RTEL1: variants seen among roughly 807,000 people sequenced by gnomAD.
The protein encoded by RTEL1 is regulator of telomere elongation helicase 1, also known as regulator of telomere length.
Under a neutral mutation model 162.2 loss-of-function variants are expected in RTEL1, and 86 were observed. The observed-to-expected ratio is 0.53, with a 90% confidence interval of 0.45 to 0.63. The LOEUF (loss-of-function observed/expected upper bound fraction) is 0.63, where lower values mean the gene tolerates loss of function less well. Among genes scored for constraint, RTEL1 ranks in the 30% least tolerant of loss-of-function variants. RTEL1 has a pLI of 0.00. For synonymous variants in RTEL1, 958 were observed against 717.9 expected (o/e 1.33, Z -5.35); for missense variants, 1,941 against 1,750.2 (o/e 1.11, Z -1.95).
chr20:63,676,202 G>A (rs1050210690), intron 10 of RTEL1, among the ~76,000 whole-genome samples: 2 of 151,986 alleles, frequency 1.3e-5, no homozygotes, highest in Admixed American at 6.6e-5. Context: ...CTCCTGCCTC[G>A]GCCTCCCAAG....
rs761419176 is a variant in RTEL1, at chr20:63,695,242, C to T, written c.3499+21C>T. The T allele has an allele frequency of 1.9e-6, 3 of 1,608,938 alleles. No homozygotes were observed. The East Asian group carries it at 6.7e-5, about 36-fold the overall frequency. On this transcript the variant is annotated intron_variant, in intron 33 of 34. Transcript: ENST00000360203. ...ACCAGGTAGGGCACCTGCCTGGCTG[C>T]TCCTGGCAGCGCCCCAACCGCACGC... is the stretch of plus-strand genomic sequence containing the variant.
At chr20:63,672,729 G>T (rs1360555508) in intron 9 of RTEL1, 108 bp downstream of exon 9, 1 of 925,820 alleles carries the variant, frequency 1.1e-6, no homozygotes, top group African/African-American at 1.6e-5. Flanking sequence ...GAAGCCCTAG[G>T]TGCCCAGGAC....
Position 63,695,388 on chromosome 20 carries a change from A to G in RTEL1, c.3560A>G (p.Gln1187Arg). The G allele has an allele frequency of 3.2e-6, 5 of 1,553,426 alleles. No homozygotes were observed. Among genetic ancestry groups the G allele is most frequent in the Non-Finnish European group, 4.4e-6 (5 of 1,149,332 alleles). Residue 1187 changes from glutamine to arginine, a missense_variant, in exon 34 of 35, where the codon CAG (glutamine) becomes CGG (arginine). Physicochemically the swap from Gln to Arg is conservative, Grantham distance 43. Transcript: ENST00000360203. ...TQSKISSFLR[Q>R]RPAGTVGAGG... is the part of the protein sequence containing the mutation. ...AGCAAGATCTCGTCCTTCCTTAGACAGAGGCCAGCAGGGACTGTGGGGGCG... is the reference window on the plus strand; with the variant it reads ...AGCAAGATCTCGTCCTTCCTTAGACGGAGGCCAGCAGGGACTGTGGGGGCG...
rs753838163 is a variant in RTEL1 at position 63,678,297 on chromosome 20, G to C, written c.988G>C (p.Asp330His). Reference sequence around the variant, plus strand: ...CCTGCTGCGCCTGGAGGGGGCCATCGATGCTGTTGAGCTGCCTGGAGACGA... The same window carrying C: ...CCTGCTGCGCCTGGAGGGGGCCATCCATGCTGTTGAGCTGCCTGGAGACGA... ...MILLRLEGAI[D>H]AVELPGDDSG... The change falls in exon 12 of 35, where the codon GAT becomes CAT. Residue 330 changes from aspartate (D) to histidine (H), a missense_variant. By Grantham distance (81) the Asp-to-His change is moderately conservative (BLOSUM62 -1). Coordinates refer to ENST00000360203, the MANE Select transcript of RTEL1 (RefSeq NM_001283009.2). The C allele has an allele frequency of 1.2e-6, 2 of 1,612,806 alleles. No individual in the cohort carries two copies. Among genetic ancestry groups the C allele is most frequent in the East Asian group, 4.5e-5 (2 of 44,864 alleles).
chr20:63,690,346 C>G lies in RTEL1; in HGVS notation c.2318C>G (p.Ala773Gly), dbSNP rs746270116. ...ATAPSVRGED[A>G]VSEAKSPGPF... ...GCACCCAGTGTGCGTGGAGAAGATG[C>G]TGTCAGCGAGGCCAAGTCGCCTGGC... The change falls in exon 26 of 35, where the codon GCT becomes GGT. Residue 773 changes from alanine to glycine, a missense_variant. By Grantham distance (60) the Ala-to-Gly change is moderately conservative (BLOSUM62 0). Transcript: ENST00000360203. 10 of 1,611,536 alleles carry G rather than the reference C, an allele frequency of 6.2e-6. No individual in the cohort carries two copies. The African/African-American group carries it at 1.3e-4, about 22-fold the overall frequency.
At chr20:63,679,707 C>G in intron 12 of RTEL1, 142 bp from the exon 13 acceptor site, 1 of 700,002 alleles carries the variant, frequency 1.4e-6, no homozygotes, top group South Asian at 1.5e-5. Flanking sequence ...CCTCCAGGCT[C>G]GAGCCTGTTT....
chr20:63,671,949 T>C (rs1374097546), intron 8 of RTEL1, among the ~76,000 whole-genome samples: 1 of 152,056 alleles, frequency 6.6e-6, no homozygotes, highest in Non-Finnish European at 1.5e-5. Context: ...AGTGACACAA[T>C]CTCGGCTCAC....
chr20:63,694,558 C>T (rs2090920148), intron 31 of RTEL1, 70 bp downstream of exon 31: 4 of 1,369,630 alleles, frequency 2.9e-6, no homozygotes, highest in South Asian at 1.3e-5. Flanking sequence ...GAGGCTAACT[C>T]TTGAGTGTGG....
At chr20:63,666,834 CTTTTTTTTTTTTT>C (rs146252896) in intron 7 of RTEL1, among the ~76,000 whole-genome samples, 14 of 102,176 alleles carry the variant, frequency 1.4e-4, no homozygotes, top group African/African-American at 3.8e-4. Flanking sequence ...CTGGCCAGCT[CTTTTTTTTTTTTT>C]TTTTTTTTTT....
chr20:63,678,431 CA>C, intron 12 of RTEL1, 85 bp downstream of exon 12: 1 of 1,273,512 alleles, frequency 7.9e-7, no homozygotes, highest in Non-Finnish European at 1.1e-6. Context: ...GCTGTCACAT[CA>C]CGAGTGAGGC....
In RTEL1 at chr20:63,667,518, A is replaced by G. The variant is rs1235107432; in HGVS notation, c.664A>G (p.Ile222Val). Residue 222 changes from isoleucine (I) to valine (V), a missense_variant, in exon 8 of 35, where the codon ATA becomes GTA. Ile to Val is a conservative substitution (Grantham distance 29). Transcript: ENST00000360203. ...SRNLKQQADI[I>V]FMPYNYLLDA... The stretch of plus-strand genomic sequence containing the variant: ...GAACCTGAAGCAGCAAGCCGACATC[A>G]TATTCATGCCGTACAATTACTTGTT... 6 of 1,613,988 alleles carry G rather than the reference A, an allele frequency of 3.7e-6. No homozygotes were observed. The highest frequency in any genetic ancestry group is 5.1e-6 in the Non-Finnish European group (6 of 1,179,902).
rs1343582864 is a variant in RTEL1, at chr20:63,666,097, G to T, written c.614+18G>T. On this transcript the variant is annotated intron_variant, in intron 7 of 34. Coordinates refer to ENST00000360203, the MANE Select transcript of RTEL1 (RefSeq NM_001283009.2). ...AAGCACAGGTGAGACCCCTCAGTGA[G>T]GCCACGACCACTGTCCTTCCATGGC... The T allele has an allele frequency of 1.9e-6, 3 of 1,606,576 alleles. No homozygotes were observed. The African/African-American group carries it at 4.0e-5, about 21-fold the overall frequency.
intron 27 of RTEL1, 87 bp downstream of exon 27, chr20:63,691,034 C>T: frequency 1.5e-6 from 2 of 1,337,328 alleles, no homozygotes; most frequent in Non-Finnish European, 2.0e-6. Context: ...AGGCACCTCC[C>T]CACACACCCC....
intron 10 of RTEL1, among the ~76,000 whole-genome samples, chr20:63,676,927 C>A (rs1235451099): frequency 6.6e-6 from 1 of 152,086 alleles, no homozygotes; most frequent in African/African-American, 2.4e-5. Flanking sequence ...GAGCGAGACT[C>A]CGTCTCAAAA....
chr20:63,680,019 G>T lies in RTEL1; in HGVS notation c.1135+73G>T, dbSNP rs533374906. The T allele has an allele frequency of 2.8e-5, 30 of 1,076,076 alleles. No individual in the cohort carries two copies. The South Asian group carries it at 4.4e-4, about 16-fold the overall frequency. The allele number at this position is 1,076,076 out of a possible 1,614,324, so 66.7% of individuals were successfully genotyped here. Reference sequence around the variant, plus strand: ...GGTGCAGCAGGCCTCCATCTTGGCAGTCAGGGCTCCCCTGGCCGTCACCTG... The same window carrying T: ...GGTGCAGCAGGCCTCCATCTTGGCATTCAGGGCTCCCCTGGCCGTCACCTG... On this transcript the variant is annotated intron_variant, in intron 13 of 34. Coordinates refer to ENST00000360203, the MANE Select transcript of RTEL1 (RefSeq NM_001283009.2).
At chr20:63,693,311 A>C (rs201529044) in intron 30 of RTEL1, 28 bp downstream of exon 30, 2 of 1,610,210 alleles carry the variant, frequency 1.2e-6, no homozygotes, top group African/African-American at 1.3e-5. Flanking sequence ...TGGGACCCTC[A>C]GACTCCTGCG....
At chr20:63,682,453 G>A (rs2090497445) in intron 14 of RTEL1, 1 of 985,682 alleles carries the variant, frequency 1.0e-6, no homozygotes, top group Non-Finnish European at 1.2e-6. Flanking sequence ...ACCGGATCCT[G>A]GAACGTGGCC....
intron 32 of RTEL1, 33 bp downstream of exon 32, chr20:63,695,007 G>T (rs750933633): frequency 8.1e-6 from 13 of 1,610,588 alleles, no homozygotes; most frequent in Non-Finnish European, 1.1e-5. Flanking sequence ...ACAGCCGGTG[G>T]GGTGGGGGGC....
At position 63,674,131 on chromosome 20, in the gene RTEL1, C is replaced by T. The variant is rs543653389; in HGVS notation, c.919+38C>T. 1.4e-4 allele frequency: 217 copies of T among 1,562,520 alleles called. 1 individual carries two copies. In the South Asian group the frequency reaches 2.2e-3, roughly 16 times the overall value. ...CCAGACTGCTTGGTCCTGAGGCCTGCGCTGCTGCAGGGTGAGCCCCACCCG... is the reference window on the plus strand; with the variant it reads ...CCAGACTGCTTGGTCCTGAGGCCTGTGCTGCTGCAGGGTGAGCCCCACCCG... On this transcript the variant is annotated intron_variant, in intron 10 of 34. Coordinates refer to ENST00000360203, the MANE Select transcript of RTEL1 (RefSeq NM_001283009.2).
Sources: allele counts gnomAD v4.1 joint callset (sites outside exome capture counted in the v4.1 genomes callset), GRCh38; gene constraint gnomAD v4.1.1; transcripts MANE v1.5; gene names NCBI Gene and HGNC (gene_info 2026-07-23, HGNC 2026-07-21).